MDH2: variants seen among roughly 807,000 people sequenced by gnomAD.
MDH2 encodes malate dehydrogenase, mitochondrial.
In MDH2, 25 loss-of-function variants were observed where a neutral mutation model predicts 33.6. That is an observed-to-expected ratio of 0.74 (90% confidence interval 0.54 to 1.04). The LOEUF (loss-of-function observed/expected upper bound fraction) is 1.04. MDH2 is among the 50% of genes least tolerant of loss of function. MDH2 has a pLI of 0.00. For synonymous variants in MDH2, 193 were observed against 188.7 expected (o/e 1.02, Z -0.19); for missense variants, 432 against 445.0 (o/e 0.97, Z 0.26).
chr7:76,059,556 G>A (rs1243649171), intron 4 of MDH2, among the ~76,000 whole-genome samples: 1 of 152,236 alleles, frequency 6.6e-6, no homozygotes, highest in Non-Finnish European at 1.5e-5. Flanking sequence ...GACCTGCAGG[G>A]CCTTGTGCTC....
intron 2 of MDH2, among the ~76,000 whole-genome samples, 178 bp downstream of exon 2, chr7:76,055,176 A>T (rs545790335): frequency 6.6e-6 from 1 of 152,340 alleles, no homozygotes; most frequent in South Asian, 2.1e-4. Flanking sequence ...AAATTGAAAC[A>T]GCGGTGTCTT....
In MDH2 at chr7:76,057,451, T is replaced by G. The variant is rs1797817404; in HGVS notation, c.277T>G (p.Cys93Gly). 1 of 1,613,998 alleles carries G rather than the reference T, an allele frequency of 6.2e-7. No homozygotes were observed. The highest frequency in any genetic ancestry group is 8.5e-7 in the Non-Finnish European group (1 of 1,180,024). Residue 93 changes from cysteine to glycine, a missense_variant, in exon 3 of 9, where the codon TGT becomes GGT. Transcript: ENST00000315758. ...ACAGCTGCCTGACTGCCTGAAAGGT[T>G]GTGATGTGGTAGTTATTCCGGCTGG... ...PEQLPDCLKGCDVVVIPAGVP... is the reference protein window; with the variant it reads ...PEQLPDCLKGGDVVVIPAGVP...
intron 1 of MDH2, among the ~76,000 whole-genome samples, chr7:76,050,160 G>A (rs985205522): frequency 3.9e-5 from 6 of 152,160 alleles, no homozygotes; most frequent in Non-Finnish European, 7.3e-5. Context: ...TCCCGAGTAG[G>A]TGGGAATCAC....
At chr7:76,062,526 A>G (rs1797983900) in intron 5 of MDH2, among the ~76,000 whole-genome samples, 1 of 152,050 alleles carries the variant, frequency 6.6e-6, no homozygotes, top group African/African-American at 2.4e-5. Context: ...TCATTTTCCA[A>G]CCTAGGACTG....
At position 76,048,176 on chromosome 7, in the gene MDH2, G is replaced by C. The variant is rs11538800; in HGVS notation, c.16G>C (p.Ala6Pro). ...CGCTCCAGCCATGCTCTCCGCCCTC[G>C]CCCGGCCTGCCAGCGCTGCTCTCCG... is the stretch of plus-strand genomic sequence containing the variant. MLSALARPASAALRRS... is the reference protein window; with the variant it reads MLSALPRPASAALRRS... Residue 6 changes from alanine (A) to proline (P), a missense_variant, in exon 1 of 9, where the codon GCC (alanine) becomes CCC (proline). Coordinates refer to ENST00000315758, the MANE Select transcript of MDH2 (RefSeq NM_005918.4). The C allele has an allele frequency of 2.0e-6, 3 of 1,536,512 alleles. No individual in the cohort carries two copies. Among genetic ancestry groups the C allele is most frequent in the Non-Finnish European group, 2.6e-6 (3 of 1,146,610 alleles).
At chr7:76,048,449 G>A in intron 1 of MDH2, 1 of 1,127,690 alleles carries the variant, frequency 8.9e-7, no homozygotes, top group Non-Finnish European at 1.2e-6. Context: ...CTCCAGGGCC[G>A]GTCCATTTGT....
At chr7:76,048,985 G>GGGTC (rs58575384) in intron 1 of MDH2, 2 of 37,450 alleles carry the variant, frequency 5.3e-5, no homozygotes, top group Non-Finnish European at 7.4e-5. Context: ...AGACTGCGGG[G>GGGTC]GGGGGGGGGG....
chr7:76,064,141 G>C (rs1350201722), intron 6 of MDH2, among the ~76,000 whole-genome samples, 198 bp from the exon 7 acceptor site: 2 of 152,020 alleles, frequency 1.3e-5, no homozygotes, highest in East Asian at 3.9e-4. Context: ...TTGTGGAGCA[G>C]GGCTACCCCA....
chr7:76,054,226 G>T (rs782276670), intron 1 of MDH2, among the ~76,000 whole-genome samples: 1 of 149,304 alleles, frequency 6.7e-6, no homozygotes, highest in African/African-American at 2.4e-5. Context: ...CTTTCGCAAC[G>T]TACGTAACCC....
intron 1 of MDH2, among the ~76,000 whole-genome samples, chr7:76,050,138 C>T (rs1310786213): frequency 6.6e-6 from 1 of 152,154 alleles, no homozygotes; most frequent in Non-Finnish European, 1.5e-5. Flanking sequence ...AAGCTATCCT[C>T]CTGCCTCATC....
At chr7:76,051,910 C>T (rs571434330) in intron 1 of MDH2, among the ~76,000 whole-genome samples, 7 of 152,250 alleles carry the variant, frequency 4.6e-5, no homozygotes, top group South Asian at 2.1e-4. Flanking sequence ...ATCTAACCTC[C>T]GGGCCACCAA....
In MDH2 at chr7:76,059,492, G is replaced by A. The variant is rs572225586; in HGVS notation, c.430-881G>A. ...TTTTTGCAGGTAGCTGCTTACTCTC[G>A]GAAACGTTGAGTGCTGCGTCCTCAC... On this transcript the variant is annotated intron_variant, in intron 4 of 8. Coordinates refer to ENST00000315758, the MANE Select transcript of MDH2 (RefSeq NM_005918.4). 1.2e-4 allele frequency among the ~76,000 whole-genome samples: 18 copies of A among 152,314 alleles called. No individual in the cohort carries two copies. The South Asian group carries it at 3.1e-3, about 26-fold the overall frequency.
At position 76,048,186 on chromosome 7, in the gene MDH2, C is replaced by T. The variant is rs6720; in HGVS notation, c.26C>T (p.Ala9Val). Reference protein sequence around the residue: MLSALARPASAALRRSFST... With the variant: MLSALARPVSAALRRSFST... ...ATGCTCTCCGCCCTCGCCCGGCCTG[C>T]CAGCGCTGCTCTCCGCCGCAGCTTC... Residue 9 changes from alanine to valine, a missense_variant, in exon 1 of 9, where the codon GCC becomes GTC. Ala to Val is a moderately conservative substitution (Grantham distance 64, BLOSUM62 0). Coordinates refer to ENST00000315758, the MANE Select transcript of MDH2 (RefSeq NM_005918.4). The T allele has an allele frequency of 0.34, 527,076 of 1,536,850 alleles. 98,394 individuals are homozygous for T. The highest frequency in any genetic ancestry group is 0.64 in the African/African-American group (47,000 of 73,098).
At chr7:76,052,707 G>A (rs1797661842) in intron 1 of MDH2, among the ~76,000 whole-genome samples, 1 of 151,398 alleles carries the variant, frequency 6.6e-6, no homozygotes, top group Non-Finnish European at 1.5e-5. Flanking sequence ...ACCATGTCTG[G>A]CTAATTTTTT....
At chr7:76,065,736 CTG>C (rs1386145440) in intron 8 of MDH2, among the ~76,000 whole-genome samples, 8 of 152,322 alleles carry the variant, frequency 5.3e-5, no homozygotes, top group South Asian at 2.1e-4. Flanking sequence ...GCCACACAAA[CTG>C]TGCTCAGTTT....
At chr7:76,051,047 A>AT (rs1243793325) in intron 1 of MDH2, among the ~76,000 whole-genome samples, 12 of 150,952 alleles carry the variant, frequency 7.9e-5, no homozygotes, top group Non-Finnish European at 1.3e-4. Context: ...CGCCCAACTA[A>AT]TTTTTTTTTG....
chr7:76,054,648 A>C, intron 1 of MDH2, 182 bp from the exon 2 acceptor site: 1 of 716,530 alleles, frequency 1.4e-6, no homozygotes, highest in South Asian at 1.7e-5. Context: ...CCCCATTTGA[A>C]AGTGGACCTT....
Position 76,054,985 on chromosome 7 carries a change from A to G in MDH2, c.222A>G (p.Lys74=), listed in dbSNP as rs769743658. 1.9e-4 allele frequency: 312 copies of G among 1,613,468 alleles called. 2 individuals are homozygous for G. In the Middle Eastern group the frequency reaches 4.3e-3, roughly 22 times the overall value. ...CAGATCTGAGCCACATCGAGACCAA[A>G]GCCGCTGTGAAAGGTACTGGGCGCG... ...VAADLSHIET[K]AAVKGYLGPE... is the part of the protein sequence containing the mutation. The change falls in exon 2 of 9, where the codon AAA becomes AAG. Residue 74 remains lysine, a synonymous_variant. Coordinates refer to ENST00000315758, the MANE Select transcript of MDH2 (RefSeq NM_005918.4).
chr7:76,057,613 C>T, intron 3 of MDH2, 120 bp downstream of exon 3: 2 of 984,306 alleles, frequency 2.0e-6, no homozygotes, highest in African/African-American at 1.6e-5. Flanking sequence ...GTCACCAGCT[C>T]CCCTTTCCTG....
Sources: allele counts gnomAD v4.1 joint callset (sites outside exome capture counted in the v4.1 genomes callset), GRCh38; gene constraint gnomAD v4.1.1; transcripts MANE v1.5; gene names NCBI Gene and HGNC (gene_info 2026-07-23, HGNC 2026-07-21).